PPP4R4: variants seen among roughly 807,000 people sequenced by gnomAD.
PPP4R4 encodes the protein serine/threonine-protein phosphatase 4 regulatory subunit 4.
Under a neutral mutation model 121.8 loss-of-function variants are expected in PPP4R4, and 70 were observed. The ratio of observed to expected loss-of-function variants is 0.57; its 90% confidence interval spans 0.47 to 0.70. The LOEUF (loss-of-function observed/expected upper bound fraction) is 0.70. Among genes scored for constraint, PPP4R4 ranks in the 30% least tolerant of loss-of-function variants. The pLI is 0.00. For synonymous variants in PPP4R4, 348 were observed against 355.7 expected, an observed-to-expected ratio of 0.98 and a Z score of 0.24; for missense variants, 875 against 1,033.6, an observed-to-expected ratio of 0.85 and a Z score of 2.10.
At position 94,234,438 on chromosome 14, in the gene PPP4R4, AT is replaced by A. The variant is rs1025253714; in HGVS notation, c.624-116del. ...CATGTAAAATACCTTGTAAACTATT[AT>A]TTTTTTTCTATTAAAGTACATTTGT... is the stretch of plus-strand genomic sequence containing the variant. On this transcript the variant is annotated intron_variant, in intron 6 of 24. Coordinates refer to ENST00000304338, the MANE Select transcript of PPP4R4 (RefSeq NM_058237.2). The A allele has an allele frequency of 2.8e-4, 175 of 636,268 alleles. 1 individual carries two copies. The highest frequency in any genetic ancestry group is 2.4e-3 in the African/African-American group (132 of 54,118). The allele number at this position is 636,268 out of a possible 1,614,324, so 39.4% of individuals were successfully genotyped here. A position where few individuals can be genotyped will look rare whatever the true frequency, so the allele number is the denominator to read the frequency against.
Position 94,265,440 on chromosome 14 carries a change from G to A in PPP4R4, c.2251G>A (p.Val751Ile). Residue 751 changes from valine to isoleucine, a missense_variant, in exon 21 of 25, where the codon GTT (valine) becomes ATT (isoleucine). Val to Ile is a conservative substitution (Grantham distance 29, BLOSUM62 3). Coordinates refer to ENST00000304338, the MANE Select transcript of PPP4R4 (RefSeq NM_058237.2). ...QSLPKNIPIS[V>I]PGPSSVTPST... is the part of the protein sequence containing the mutation. Reference sequence around the variant, plus strand: ...TCTGCCCAAGAACATCCCCATTTCTGTTCCTGGACCCTCTTCTGTCACCCC... The same window carrying A: ...TCTGCCCAAGAACATCCCCATTTCTATTCCTGGACCCTCTTCTGTCACCCC... The A allele has an allele frequency of 1.2e-6, 2 of 1,612,886 alleles. No individual in the cohort carries two copies. Among genetic ancestry groups the A allele is most frequent in the Non-Finnish European group, 1.7e-6 (2 of 1,178,900 alleles).
At chr14:94,257,654 CA>C (rs1893547977) in intron 17 of PPP4R4, among the ~76,000 whole-genome samples, 1 of 151,394 alleles carries the variant, frequency 6.6e-6, no homozygotes. Flanking sequence ...CACACACACA[CA>C]CACACACACA....
intron 2 of PPP4R4, among the ~76,000 whole-genome samples, chr14:94,195,349 A>C (rs1889816442): frequency 6.6e-6 from 1 of 152,180 alleles, no homozygotes; most frequent in Admixed American, 6.5e-5. Context: ...AGCCCTGTAC[A>C]AGTGGATTCC....
chr14:94,252,790 T>C (rs150869185), intron 16 of PPP4R4, among the ~76,000 whole-genome samples: 45 of 152,334 alleles, frequency 3.0e-4, no homozygotes, highest in Non-Finnish European at 5.4e-4. Context: ...TTTTCATACA[T>C]TGGGGCACTT....
At chr14:94,225,800 G>A (rs541474657) in intron 3 of PPP4R4, among the ~76,000 whole-genome samples, 4 of 152,148 alleles carry the variant, frequency 2.6e-5, no homozygotes, top group African/African-American at 9.6e-5. Context: ...ATTTTCTTTG[G>A]GCTACTTTTG....
Position 94,224,342 on chromosome 14 carries a change from T to C in PPP4R4, c.295-6245T>C, listed in dbSNP as rs537645734. ...TCGAAAATGAATCAGAAGAGAGTGA[T>C]GTAGGATGGAATGGAAGGGATGTAG... On this transcript the variant is annotated intron_variant, in intron 3 of 24. Transcript: ENST00000304338. Among the ~76,000 whole-genome samples the C allele has an allele frequency of 4.6e-5, 7 of 152,236 alleles. No homozygotes were observed. The South Asian group carries it at 1.5e-3, about 32-fold the overall frequency.
In PPP4R4 at chr14:94,251,812, T is replaced by C. The variant is rs773549877; in HGVS notation, c.1781T>C (p.Ile594Thr). The change falls in exon 16 of 25, where the codon ATA (isoleucine) becomes ACA (threonine). Residue 594 changes from isoleucine to threonine, a missense_variant. Physicochemically the swap from Ile to Thr is moderately conservative, Grantham distance 89. Transcript: ENST00000304338. ...TTTTTGGATACCTGTGAATTTATTA[T>C]AGAGATATTTTCAAAATCATTTTTC... ...LRFLDTCEFI[I>T]EIFSKSFFCK... 2 of 1,598,926 alleles carry C rather than the reference T, an allele frequency of 1.3e-6. No homozygotes were observed. Among genetic ancestry groups the C allele is most frequent in the Admixed American group, 1.7e-5 (1 of 58,432 alleles).
intron 2 of PPP4R4, among the ~76,000 whole-genome samples, chr14:94,204,488 T>C (rs1890357819): frequency 6.6e-6 from 1 of 152,120 alleles, no homozygotes; most frequent in South Asian, 2.1e-4. Flanking sequence ...ACTATAGCTA[T>C]ATAATAAGTC....
chr14:94,278,541 TA>T, intron 24 of PPP4R4, 77 bp from the exon 25 acceptor site: 2 of 866,396 alleles, frequency 2.3e-6, no homozygotes, highest in South Asian at 3.5e-5. Context: ...ACATTTTTCA[TA>T]TTTTTTTCTT....
chr14:94,207,556 AG>A (rs1890523914), intron 2 of PPP4R4, among the ~76,000 whole-genome samples: 1 of 152,012 alleles, frequency 6.6e-6, no homozygotes, highest in Admixed American at 6.6e-5. Context: ...CCATTTGAAG[AG>A]ATAAGTAAAA....
At chr14:94,208,750 G>A (rs1595474896) in intron 3 of PPP4R4, among the ~76,000 whole-genome samples, 184 bp downstream of exon 3, 1 of 152,128 alleles carries the variant, frequency 6.6e-6, no homozygotes, top group Non-Finnish European at 1.5e-5. Flanking sequence ...GATGGAAATG[G>A]AGAAATCCAG....
At chr14:94,210,799 G>A (rs1890703516) in intron 3 of PPP4R4, among the ~76,000 whole-genome samples, 1 of 152,138 alleles carries the variant, frequency 6.6e-6, no homozygotes, top group Non-Finnish European at 1.5e-5. Context: ...CAGTAATAAT[G>A]ACTTTTATCG....
chr14:94,199,969 G>A (rs1478915682), intron 2 of PPP4R4, among the ~76,000 whole-genome samples: 1 of 152,088 alleles, frequency 6.6e-6, no homozygotes, highest in East Asian at 1.9e-4. Context: ...GCAGAATTTG[G>A]ACGTGAAGGC....
chr14:94,196,935 G>A (rs1567109449), intron 2 of PPP4R4, among the ~76,000 whole-genome samples: 1 of 152,080 alleles, frequency 6.6e-6, no homozygotes, highest in African/African-American at 2.4e-5. Flanking sequence ...AACTATCCGT[G>A]TAATTTAATC....
rs148978130 is a variant in PPP4R4, at chr14:94,191,374, A to G, written c.191+15247A>G. Among the ~76,000 whole-genome samples the G allele has an allele frequency of 3.2e-3, 486 of 152,066 alleles. 5 individuals carry two copies. The highest frequency in any genetic ancestry group is 0.011 in the African/African-American group (457 of 41,480). On this transcript the variant is annotated intron_variant, in intron 2 of 24. Transcript: ENST00000304338. Reference sequence around the variant, plus strand: ...CCTTTATTTTTTCGTTTAAGTTGACATGTAGTAATTGTATGTATTTATGGG... The same window carrying G: ...CCTTTATTTTTTCGTTTAAGTTGACGTGTAGTAATTGTATGTATTTATGGG...
chr14:94,222,506 A>G (rs1197051031), intron 3 of PPP4R4, among the ~76,000 whole-genome samples: 1 of 151,292 alleles, frequency 6.6e-6, no homozygotes, highest in Non-Finnish European at 1.5e-5. Context: ...GTTTTATCTA[A>G]CCAATATCTA....
intron 18 of PPP4R4, 31 bp from the exon 19 acceptor site, chr14:94,259,264 G>A (rs538831863): frequency 1.8e-5 from 29 of 1,585,092 alleles, no homozygotes; most frequent in Non-Finnish European, 2.3e-5. Flanking sequence ...CATCACTAAT[G>A]TTTCACAATT....
chr14:94,244,425 G>A (rs765398775), intron 11 of PPP4R4, among the ~76,000 whole-genome samples: 5 of 152,118 alleles, frequency 3.3e-5, no homozygotes, highest in Non-Finnish European at 7.4e-5. Flanking sequence ...CACCCCATGT[G>A]TGTCTGCACA....
intron 22 of PPP4R4, among the ~76,000 whole-genome samples, 165 bp from the exon 23 acceptor site, chr14:94,266,794 A>G (rs1411567036): frequency 6.6e-6 from 1 of 152,216 alleles, no homozygotes; most frequent in Non-Finnish European, 1.5e-5. Flanking sequence ...AGACGAAGTA[A>G]GTGTTGTGAG....
Sources: gnomAD v4.1 joint callset for allele counts (sites outside exome capture counted in the v4.1 genomes callset) on GRCh38, gnomAD v4.1.1 for gene constraint, MANE v1.5 for transcripts, NCBI Gene and HGNC (gene_info 2026-07-23, HGNC 2026-07-21) for gene names.